The following PCDHGA4 variants were observed in gnomAD, a reference collection of about 807,000 sequenced individuals.
PCDHGA4 encodes protocadherin gamma subfamily A, 4.
A neutral mutation model predicts 54.6 loss-of-function variants in PCDHGA4; 38 were observed. That is an observed-to-expected ratio of 0.70 (90% CI 0.54 to 0.91). The LOEUF (loss-of-function observed/expected upper bound fraction) is 0.91. PCDHGA4 is among the 40% of genes least tolerant of loss of function. The probability of loss-of-function intolerance (pLI) is 0.00; values close to 1 mark genes in which losing one functional copy is unlikely to be tolerated. For synonymous variants in PCDHGA4, 511 were observed against 512.9 expected, an observed-to-expected ratio of 1.00 and a Z score of 0.05; for missense variants, 1,298 against 1,220.9, an observed-to-expected ratio of 1.06 and a Z score of -0.94.
intron 1 of PCDHGA4, chr5:141,420,545 A>G: frequency 3.5e-6 from 1 of 289,066 alleles, no homozygotes; most frequent in Non-Finnish European, 6.2e-6. Flanking sequence ...TATAAAATAC[A>G]GGTATATTTT....
Position 141,433,407 on chromosome 5 carries a change from T to C in PCDHGA4, c.2515-61400T>C, listed in dbSNP as rs939103465. Among the ~76,000 whole-genome samples, 537 of 125,956 alleles carry C rather than the reference T, an allele frequency of 4.3e-3. 4 individuals carry two copies. Among genetic ancestry groups the C allele is most frequent in the African/African-American group, 0.016 (523 of 33,156 alleles). The allele number at this position is 125,956 out of a possible 152,430, so 82.6% of individuals were successfully genotyped here. On this transcript the variant is annotated intron_variant, in intron 1 of 3. Coordinates refer to ENST00000571252, the MANE Select transcript of PCDHGA4 (RefSeq NM_018917.4). ...TCTATCTATCTATCTATCTATCTATTACTTTCTTGTACAGACAGGAGTCTC... is the reference window on the plus strand; with the variant it reads ...TCTATCTATCTATCTATCTATCTATCACTTTCTTGTACAGACAGGAGTCTC...
intron 1 of PCDHGA4, chr5:141,419,315 C>G (rs2096357855): frequency 1.2e-6 from 2 of 1,613,998 alleles, no homozygotes; most frequent in Non-Finnish European, 1.7e-6. Flanking sequence ...GCTCAACGGC[C>G]GTGTCTCCTA....
Position 141,368,993 on chromosome 5 carries a change from G to A in PCDHGA4, c.2514+11372G>A, listed in dbSNP as rs968608216. Among the ~76,000 whole-genome samples, 4 of 152,098 alleles carry A rather than the reference G, an allele frequency of 2.6e-5. No homozygotes were observed. The East Asian group carries it at 5.8e-4, about 22-fold the overall frequency. Reference sequence around the variant, plus strand: ...TGCTTTTCCACTATAAGGTGAATTCGGTGTGGAACTCATTGCTTATTGCTG... The same window carrying A: ...TGCTTTTCCACTATAAGGTGAATTCAGTGTGGAACTCATTGCTTATTGCTG... On this transcript the variant is annotated intron_variant, in intron 1 of 3. Transcript: ENST00000571252.
intron 1 of PCDHGA4, chr5:141,376,448 G>A: frequency 6.2e-7 from 1 of 1,614,174 alleles, no homozygotes. Context: ...TGAGAAAAGC[G>A]AGCCTCTTCT....
intron 1 of PCDHGA4, chr5:141,374,803 A>C (rs371815306): frequency 4.3e-6 from 7 of 1,613,866 alleles, no homozygotes; most frequent in African/African-American, 4.0e-5. Flanking sequence ...ACAACACTCC[A>C]ATGTTTACTC....
Position 141,431,972 on chromosome 5 carries a change from G to T in PCDHGA4, c.2515-62835G>T, listed in dbSNP as rs750484866. On this transcript the variant is annotated intron_variant, in intron 1 of 3. Coordinates refer to ENST00000571252, the MANE Select transcript of PCDHGA4 (RefSeq NM_018917.4). The surrounding 1 kb of genome is among the most constrained non-coding windows in gnomAD (Gnocchi z 4.8). ...ATCTTACGGAAATTACTATAGTTTA[G>T]TCACAGACATAGTCTTGGATAGGGA... is the stretch of plus-strand genomic sequence containing the variant. The T allele has an allele frequency of 8.1e-6, 13 of 1,614,072 alleles. No homozygotes were observed. Among genetic ancestry groups the T allele is most frequent in the Non-Finnish European group, 1.1e-5 (13 of 1,180,028 alleles).
chr5:141,480,414 CA>C (rs10712552), intron 1 of PCDHGA4, among the ~76,000 whole-genome samples: 43,347 of 147,074 alleles, frequency 0.29, 6,620 homozygotes, highest in African/African-American at 0.4. Flanking sequence ...GACCCTGTCT[CA>C]AAAAAAAAAA....
rs575872277 is a variant in PCDHGA4, at chr5:141,511,848, G to A, written c.*675G>A. The A allele has an allele frequency of 6.4e-6, 1 of 156,684 alleles. No individual in the cohort carries two copies. The highest frequency in any genetic ancestry group is 2.0e-4 in the South Asian group (1 of 5,078). The allele number at this position is 156,684 out of a possible 1,614,324, so 9.7% of individuals were successfully genotyped here. A position where few individuals can be genotyped will look rare whatever the true frequency, so the allele number is the denominator to read the frequency against. ...GCCCTGGGGACCAGTCTTCTGTTTT[G>A]TTTTTCATTGTTTGACGTTTCCACT... On this transcript the variant is annotated 3_prime_UTR_variant, in exon 4 of 4. Transcript: ENST00000571252.
In PCDHGA4 at chr5:141,374,100, G is replaced by A. The variant is rs767728339; in HGVS notation, c.2514+16479G>A. ...AAGCCAGTAATGGCGCCTCCGCAGA[G>A]GCATCCGCAGCGCAGCGAGCAGGTC... On this transcript the variant is annotated intron_variant, in intron 1 of 3. Coordinates refer to ENST00000571252, the MANE Select transcript of PCDHGA4 (RefSeq NM_018917.4). 5.1e-6 allele frequency: 8 copies of A among 1,564,992 alleles called. No individual in the cohort carries two copies. The highest frequency in any genetic ancestry group is 6.1e-6 in the Non-Finnish European group (7 of 1,153,928).
intron 1 of PCDHGA4, chr5:141,370,747 A>G (rs780618979): frequency 1.2e-5 from 19 of 1,613,952 alleles, no homozygotes; most frequent in Middle Eastern, 3.3e-4. Context: ...AACTTTTTTC[A>G]TGTAACTGTG....
intron 1 of PCDHGA4, chr5:141,388,598 T>C: frequency 1.2e-6 from 2 of 1,613,920 alleles, no homozygotes; most frequent in Non-Finnish European, 1.7e-6. Context: ...CCAATGATAA[T>C]GCTCCAGTGT....
intron 1 of PCDHGA4, among the ~76,000 whole-genome samples, chr5:141,463,948 C>A (rs1397198849): frequency 6.6e-6 from 1 of 151,846 alleles, no homozygotes; most frequent in Non-Finnish European, 1.5e-5. Context: ...TAGAAATCTT[C>A]ATTTTTAAAA....
intron 1 of PCDHGA4, chr5:141,385,324 G>A (rs1781124607): frequency 1.2e-6 from 2 of 1,607,160 alleles, no homozygotes; most frequent in Non-Finnish European, 1.7e-6. Flanking sequence ...AAGTATTCAG[G>A]TGAGCCCAGC....
intron 1 of PCDHGA4, chr5:141,383,728 G>C (rs1561598364): frequency 6.2e-7 from 1 of 1,613,878 alleles, no homozygotes; most frequent in African/African-American, 1.3e-5. Flanking sequence ...CAATGGGGAA[G>C]TGACATATTC....
chr5:141,422,543 T>C lies in PCDHGA4; in HGVS notation c.2514+64922T>C, dbSNP rs2096655736. 1 of 1,613,882 alleles carries C rather than the reference T, an allele frequency of 6.2e-7. No homozygotes were observed. Among genetic ancestry groups the C allele is most frequent in the African/African-American group, 1.3e-5 (1 of 74,928 alleles). Reference sequence around the variant, plus strand: ...CCGCCTTTGTCTGCAGAAACTCATGTCTGGCTGAATGTGGCAGATGACAAC... The same window carrying C: ...CCGCCTTTGTCTGCAGAAACTCATGCCTGGCTGAATGTGGCAGATGACAAC... On this transcript the variant is annotated intron_variant, in intron 1 of 3. Coordinates refer to ENST00000571252, the MANE Select transcript of PCDHGA4 (RefSeq NM_018917.4).
chr5:141,362,773 A>G, intron 1 of PCDHGA4: 3 of 612,462 alleles, frequency 4.9e-6, no homozygotes, highest in South Asian at 4.6e-5. Context: ...GAGATATTGC[A>G]CTGTATTTCT....
Position 141,368,188 on chromosome 5 carries a change from G to A in PCDHGA4, c.2514+10567G>A, listed in dbSNP as rs528865842. Among the ~76,000 whole-genome samples the A allele has an allele frequency of 2.2e-4, 33 of 152,098 alleles. 1 individual carries two copies. In the South Asian group the frequency reaches 5.6e-3, roughly 26 times the overall value. Reference sequence around the variant, plus strand: ...CAGCTTCAAATAATGACTAAATAAGGGGAAAAGGTAATAAAATATTACAAA... The same window carrying A: ...CAGCTTCAAATAATGACTAAATAAGAGGAAAAGGTAATAAAATATTACAAA... On this transcript the variant is annotated intron_variant, in intron 1 of 3. Coordinates refer to ENST00000571252, the MANE Select transcript of PCDHGA4 (RefSeq NM_018917.4).
chr5:141,438,627 TATATATATACAC>T (rs1324653166), intron 1 of PCDHGA4, among the ~76,000 whole-genome samples: 191 of 47,978 alleles, frequency 4.0e-3, no homozygotes, highest in African/African-American at 0.016. Flanking sequence ...TATATATATA[TATATATATACAC>T]ACACACACAC....
At chr5:141,478,460 C>G (rs759992881) in intron 1 of PCDHGA4, 1 of 1,613,344 alleles carries the variant, frequency 6.2e-7, no homozygotes, top group East Asian at 2.2e-5. Flanking sequence ...AGCCAGTCCA[C>G]TGGCCAGCCG....
Sources: allele counts gnomAD v4.1 joint callset (sites outside exome capture counted in the v4.1 genomes callset), GRCh38; gene constraint gnomAD v4.1.1; non-coding constraint Gnocchi (gnomAD v3.1); transcripts MANE v1.5; gene names NCBI Gene and HGNC (gene_info 2026-07-23, HGNC 2026-07-21).